FARP1: variants seen among roughly 807,000 people sequenced by gnomAD.
FARP1 encodes FERM, ARHGEF and pleckstrin domain-containing protein 1.
Under a neutral mutation model 128.8 loss-of-function variants are expected in FARP1, and 52 were observed. That is an observed-to-expected ratio of 0.40 (90% CI 0.32 to 0.51). FARP1 has a LOEUF of 0.51. FARP1 is among the 20% of genes least tolerant of loss of function. The probability of loss-of-function intolerance (pLI) is 0.45; values close to 1 mark genes in which losing one functional copy is unlikely to be tolerated. For synonymous variants in FARP1, 580 were observed against 551.8 expected (o/e 1.05, Z -0.72); for missense variants, 1,333 against 1,367.9 (o/e 0.97, Z 0.40).
Position 98,176,221 on chromosome 13 carries a change from A to T in FARP1, c.-24+32729A>T. The T allele has an allele frequency of 6.2e-7, 1 of 1,608,750 alleles. No homozygotes were observed. Among genetic ancestry groups the T allele is most frequent in the Non-Finnish European group, 8.5e-7 (1 of 1,175,724 alleles). ...TATTTAAATGTGAGAATTATGGGAA[A>T]CCTAAGCCATGGGAATTGGACACTC... is the stretch of plus-strand genomic sequence containing the variant. On this transcript the variant is annotated intron_variant, in intron 1 of 26. Transcript: ENST00000319562. The surrounding 1 kb of genome is among the most constrained non-coding windows in gnomAD (Gnocchi z 6.2).
At chr13:98,164,630 C>T (rs1033582191) in intron 1 of FARP1, among the ~76,000 whole-genome samples, 1 of 152,178 alleles carries the variant, frequency 6.6e-6, no homozygotes, top group Non-Finnish European at 1.5e-5. Context: ...TAATACAAAA[C>T]AAGCTGATAT....
At chr13:98,358,766 G>A (rs1031990120) in intron 3 of FARP1, among the ~76,000 whole-genome samples, 3 of 152,144 alleles carry the variant, frequency 2.0e-5, no homozygotes, top group African/African-American at 4.8e-5. Flanking sequence ...CTCTCGAGTA[G>A]TTGGGACTAC....
In FARP1 at chr13:98,409,426, C is replaced by T. The variant is rs1891105620; in HGVS notation, c.1503C>T (p.Asn501=). The T allele has an allele frequency of 1.2e-6, 2 of 1,614,128 alleles. No homozygotes were observed. Among genetic ancestry groups the T allele is most frequent in the Admixed American group, 1.7e-5 (1 of 60,018 alleles). ...CTGCCAACGTGACCTTGTCTCCCAA[C>T]CTGAGCCCCGACACCAAGCAGGCCT... The part of the protein sequence containing the change: ...VAPANVTLSP[N]LSPDTKQASP... Residue 501 remains asparagine (N), a synonymous_variant, in exon 14 of 27, where the codon AAC becomes AAT. Transcript: ENST00000319562.
intron 2 of FARP1, among the ~76,000 whole-genome samples, chr13:98,293,484 T>A (rs1885535276): frequency 6.6e-6 from 1 of 152,132 alleles, no homozygotes; most frequent in East Asian, 1.9e-4. Flanking sequence ...ATCTCTGAGG[T>A]ACCAGGCTAC....
At chr13:98,151,322 G>A (rs12868444) in intron 1 of FARP1, among the ~76,000 whole-genome samples, 40,542 of 152,028 alleles carry the variant, frequency 0.27, 6,117 homozygotes, top group East Asian at 0.51. Flanking sequence ...GCCATCTGCG[G>A]TTTTTAGGCA....
At chr13:98,317,322 C>T (rs1291407477) in intron 2 of FARP1, among the ~76,000 whole-genome samples, 5 of 152,246 alleles carry the variant, frequency 3.3e-5, no homozygotes, top group South Asian at 2.1e-4. Context: ...TGCAGTGGTA[C>T]GATCATAGCT....
chr13:98,209,229 C>T (rs1333734884), intron 1 of FARP1, among the ~76,000 whole-genome samples: 4 of 151,848 alleles, frequency 2.6e-5, no homozygotes, highest in Admixed American at 1.3e-4. Flanking sequence ...AGGATGGTCT[C>T]GATCTCCTGA....
chr13:98,210,536 CT>C (rs1880617892), intron 1 of FARP1, among the ~76,000 whole-genome samples: 1 of 141,774 alleles, frequency 7.1e-6, no homozygotes, highest in Non-Finnish European at 1.5e-5. Flanking sequence ...GTTGGACTTT[CT>C]TTTTCGTTTT....
intron 2 of FARP1, among the ~76,000 whole-genome samples, chr13:98,275,626 C>CTTTTTTT (rs1566822544): frequency 2.1e-5 from 3 of 140,524 alleles, no homozygotes; most frequent in Non-Finnish European, 1.5e-5. Flanking sequence ...TTCTCTTTCT[C>CTTTTTTT]TCTTTTTTTT....
chr13:98,368,782 G>T lies in FARP1; in HGVS notation c.398+587G>T, dbSNP rs146387822. ...TAAGCAGTATTATACTAGAGTAGCT[G>T]GGATCCAGTAGGGACACTGTAAATG... On this transcript the variant is annotated intron_variant, in intron 5 of 26. Transcript: ENST00000319562. Among the ~76,000 whole-genome samples the T allele has an allele frequency of 2.4e-3, 358 of 152,190 alleles. 5 individuals are homozygous for T. Among genetic ancestry groups the T allele is most frequent in the African/African-American group, 7.9e-3 (328 of 41,516 alleles).
In FARP1 at chr13:98,396,004, T is replaced by C. The variant is rs1166583273; in HGVS notation, c.1414+528T>C. Reference sequence around the variant, plus strand: ...CACTCTCCCGGACCAGGGTCCTCCTTATGAACGCTGGTCCCCCACCTCGCC... The same window carrying C: ...CACTCTCCCGGACCAGGGTCCTCCTCATGAACGCTGGTCCCCCACCTCGCC... On this transcript the variant is annotated intron_variant, in intron 13 of 26. Coordinates refer to ENST00000319562, the MANE Select transcript of FARP1 (RefSeq NM_005766.4). 8.5e-5 allele frequency: 34 copies of C among 399,004 alleles called. No homozygotes were observed. In the Admixed American group the frequency reaches 1.4e-3, roughly 16 times the overall value. The allele number at this position is 399,004 out of a possible 1,614,324, so 24.7% of individuals were successfully genotyped here.
intron 2 of FARP1, among the ~76,000 whole-genome samples, chr13:98,306,731 C>T (rs1334872021): frequency 1.3e-5 from 2 of 151,988 alleles, no homozygotes; most frequent in Non-Finnish European, 2.9e-5. Flanking sequence ...TCTATGTTAC[C>T]CAGGCTAGCC....
rs376918075 is a variant in FARP1, at chr13:98,388,490, T to G, written c.855+12T>G. ...GGCCAGATGCCAATGTAAGTGGTCC[T>G]GGCGGGAAAGGGGACCCGTTGAGCC... On this transcript the variant is annotated intron_variant, in intron 9 of 26. Coordinates refer to ENST00000319562, the MANE Select transcript of FARP1 (RefSeq NM_005766.4). 141 of 1,607,094 alleles carry G rather than the reference T, an allele frequency of 8.8e-5. No individual in the cohort carries two copies. The highest frequency in any genetic ancestry group is 1.2e-4 in the Non-Finnish European group (136 of 1,173,766).
chr13:98,440,073 TC>T (rs767897249), intron 22 of FARP1, 30 bp downstream of exon 22: 39 of 1,608,910 alleles, frequency 2.4e-5, no homozygotes, highest in Non-Finnish European at 3.1e-5. Flanking sequence ...CTTGCCTGTT[TC>T]CCCTTTGATG....
chr13:98,365,520 A>T (rs1459111281), intron 4 of FARP1, 83 bp downstream of exon 4: 1 of 968,568 alleles, frequency 1.0e-6, no homozygotes, highest in Non-Finnish European at 1.6e-6. Context: ...GCCCTGTGGC[A>T]TGAAGCACTA....
chr13:98,277,260 CT>C (rs1884707057), intron 2 of FARP1, among the ~76,000 whole-genome samples: 1 of 152,082 alleles, frequency 6.6e-6, no homozygotes, highest in Non-Finnish European at 1.5e-5. Flanking sequence ...TCAAGTGGTC[CT>C]CTGGCCATGG....
At chr13:98,443,007 T>C (rs1892591879) in intron 24 of FARP1, among the ~76,000 whole-genome samples, 1 of 152,122 alleles carries the variant, frequency 6.6e-6, no homozygotes. Flanking sequence ...CCCAGCTTTT[T>C]TGGATAACAA....
At chr13:98,408,086 GGTA>G (rs1891047275) in intron 13 of FARP1, among the ~76,000 whole-genome samples, 1 of 152,108 alleles carries the variant, frequency 6.6e-6, no homozygotes, top group East Asian at 1.9e-4. Flanking sequence ...TCCTTATCAT[GGTA>G]GTAGACAGGA....
At chr13:98,330,545 A>T (rs1887458901) in intron 2 of FARP1, among the ~76,000 whole-genome samples, 2 of 152,138 alleles carry the variant, frequency 1.3e-5, no homozygotes, top group Admixed American at 1.3e-4. Flanking sequence ...ACCTGAAGTC[A>T]GGAGTTCGAG....
Sources: gnomAD v4.1 joint callset for allele counts (sites outside exome capture counted in the v4.1 genomes callset) on GRCh38, gnomAD v4.1.1 for gene constraint, Gnocchi (gnomAD v3.1) non-coding constraint, MANE v1.5 for transcripts, NCBI Gene and HGNC (gene_info 2026-07-23, HGNC 2026-07-21) for gene names.